HELZ: variants seen among roughly 807,000 people sequenced by gnomAD.
The protein encoded by HELZ is ATP-dependent RNA helicase with zinc finger domain.
A neutral mutation model predicts 218.2 loss-of-function variants in HELZ; 23 were observed. The observed-to-expected ratio is 0.11, with a 90% CI of 0.08 to 0.15. HELZ has a LOEUF of 0.15. Ranked by LOEUF, HELZ falls within the 10% of genes least tolerant of loss-of-function variation. The probability of loss-of-function intolerance (pLI) is 1.00; values close to 1 mark genes in which losing one functional copy is unlikely to be tolerated. For missense variants in HELZ, 1,813 were observed against 2,353.7 expected, an observed-to-expected ratio of 0.77 and a Z score of 4.75; for synonymous variants, 814 against 829.4, an observed-to-expected ratio of 0.98 and a Z score of 0.32.
intron 20 of HELZ, among the ~76,000 whole-genome samples, chr17:67,147,241 C>G (rs1449891376): frequency 1.3e-5 from 2 of 151,910 alleles, no homozygotes; most frequent in South Asian, 4.2e-4. Context: ...CCAGAATTGC[C>G]CCTGTGGTGT....
intron 20 of HELZ, 85 bp from the exon 21 acceptor site, chr17:67,145,975 C>G: frequency 8.6e-7 from 1 of 1,164,730 alleles, no homozygotes; most frequent in Non-Finnish European, 1.2e-6. Context: ...TCAGTCGATT[C>G]TAATAATATT....
rs2144284016 is a variant in HELZ, at chr17:67,188,818, C to T, written c.865-202G>A. On this transcript the variant is annotated intron_variant, in intron 11 of 32. Coordinates refer to ENST00000358691, the MANE Select transcript of HELZ (RefSeq NM_014877.4). This position sits in a 1 kb window ranked among gnomAD's most constrained non-coding sequence, Gnocchi z 4.1. ...TTATTTATGCTATATCGCTAGCCTC[C>T]CTTCTCTTCCTGTGACATGTTCATT... is the stretch of plus-strand genomic sequence containing the variant. 6.6e-6 allele frequency among the ~76,000 whole-genome samples: 1 copy of T among 152,194 alleles called. No individual in the cohort carries two copies. The highest frequency in any genetic ancestry group is 1.5e-5 in the Non-Finnish European group (1 of 67,992).
Position 67,161,001 on chromosome 17 carries a change from A to T in HELZ, c.1971T>A (p.Leu657=). The part of the protein sequence containing the change: ...KEAVLAITTP[L]AIQLPPVLII... ...TAAGCACAGGCGGCAGCTGGATTGC[A>T]AGTGGAGTGGTAATGGCCAGAACAG... The change falls in exon 16 of 33, where the codon CTT becomes CTA. Residue 657 remains leucine (L), a synonymous_variant. Coordinates refer to ENST00000358691, the MANE Select transcript of HELZ (RefSeq NM_014877.4). 6.2e-7 allele frequency: 1 copy of T among 1,613,938 alleles called. No individual in the cohort carries two copies. Among genetic ancestry groups the T allele is most frequent in the Non-Finnish European group, 8.5e-7 (1 of 1,179,872 alleles).
At chr17:67,084,585 C>A (rs899816335) in intron 32 of HELZ, among the ~76,000 whole-genome samples, 5 of 150,830 alleles carry the variant, frequency 3.3e-5, no homozygotes, top group Admixed American at 1.3e-4. Flanking sequence ...ATGACGTGAA[C>A]CCGGGAGGCG....
intron 13 of HELZ, among the ~76,000 whole-genome samples, chr17:67,175,718 G>A (rs950329951): frequency 6.6e-6 from 1 of 152,090 alleles, no homozygotes; most frequent in Non-Finnish European, 1.5e-5. Flanking sequence ...TTACCTTTAG[G>A]TGAGAGTATC....
intron 28 of HELZ, among the ~76,000 whole-genome samples, 191 bp from the exon 29 acceptor site, chr17:67,109,877 GA>G (rs201987965): frequency 2.5e-3 from 380 of 150,990 alleles, no homozygotes; most frequent in African/African-American, 8.7e-3. Context: ...AAAGATGACA[GA>G]AAAAAAACAG....
intron 23 of HELZ, among the ~76,000 whole-genome samples, chr17:67,131,918 A>G (rs933359420): frequency 2.6e-5 from 4 of 152,224 alleles, no homozygotes; most frequent in African/African-American, 9.6e-5. Flanking sequence ...TTCTGAATAC[A>G]GATAATTGAC....
chr17:67,109,738 G>T, intron 28 of HELZ, 52 bp from the exon 29 acceptor site: 1 of 1,391,840 alleles, frequency 7.2e-7, no homozygotes, highest in Non-Finnish European at 1.0e-6. Flanking sequence ...AAATTCAGTT[G>T]CTCTCCACCT....
In HELZ at chr17:67,136,954, C is replaced by T. The variant is rs573733513; in HGVS notation, c.2954-756G>A. ...AAAATGGTCAATTTTACATCATACG[C>T]ATTTTACCACCATAAAAAAATTTTT... On this transcript the variant is annotated intron_variant, in intron 22 of 32. Transcript: ENST00000358691. Among the ~76,000 whole-genome samples, 114 of 152,208 alleles carry T rather than the reference C, an allele frequency of 7.5e-4. 1 individual carries two copies. The highest frequency in any genetic ancestry group is 2.7e-3 in the African/African-American group (112 of 41,532).
intron 23 of HELZ, among the ~76,000 whole-genome samples, chr17:67,135,482 G>GA (rs2038121780): frequency 6.6e-6 from 1 of 152,190 alleles, no homozygotes. Flanking sequence ...GCTTCTCAGT[G>GA]AGGTCTGCTC....
chr17:67,094,062 A>C (rs1051244573), intron 31 of HELZ, among the ~76,000 whole-genome samples: 1 of 152,162 alleles, frequency 6.6e-6, no homozygotes, highest in Non-Finnish European at 1.5e-5. Flanking sequence ...TGGAAACAGC[A>C]TGTAGTCCCA....
chr17:67,098,112 G>A (rs2036804879), intron 31 of HELZ, among the ~76,000 whole-genome samples: 1 of 151,958 alleles, frequency 6.6e-6, no homozygotes, highest in Non-Finnish European at 1.5e-5. Flanking sequence ...TTCTTCACAA[G>A]AACATAATTT....
At chr17:67,092,727 A>C (rs2036608245) in intron 31 of HELZ, among the ~76,000 whole-genome samples, 1 of 152,210 alleles carries the variant, frequency 6.6e-6, no homozygotes, top group Non-Finnish European at 1.5e-5. Context: ...GCACTTTGGG[A>C]GGCCGAGGTG....
intron 27 of HELZ, among the ~76,000 whole-genome samples, chr17:67,116,872 TCAAA>T (rs2037443333): frequency 6.6e-6 from 1 of 152,202 alleles, no homozygotes; most frequent in Admixed American, 6.5e-5. Context: ...TTTTCTTTTT[TCAAA>T]CAGAGTTTCG....
chr17:67,145,563 T>TA (rs2038468242), intron 21 of HELZ, among the ~76,000 whole-genome samples, 180 bp downstream of exon 21: 1 of 152,266 alleles, frequency 6.6e-6, no homozygotes, highest in Middle Eastern at 3.4e-3. Flanking sequence ...TTGCTTCCCA[T>TA]AGGAGATTCA....
At chr17:67,197,942 T>C (rs1202014863) in intron 7 of HELZ, among the ~76,000 whole-genome samples, 2 of 152,090 alleles carry the variant, frequency 1.3e-5, no homozygotes, top group Non-Finnish European at 2.9e-5. Context: ...GGAGTAATTA[T>C]TCATATTATT....
chr17:67,213,205 C>G (rs2040502502), intron 5 of HELZ, among the ~76,000 whole-genome samples: 1 of 152,164 alleles, frequency 6.6e-6, no homozygotes, highest in Non-Finnish European at 1.5e-5. Context: ...GAAAAAGGAA[C>G]TATTTCTCAC....
chr17:67,079,655 C>T (rs2036126965), intron 32 of HELZ, among the ~76,000 whole-genome samples: 2 of 152,312 alleles, frequency 1.3e-5, no homozygotes, highest in African/African-American at 4.8e-5. Flanking sequence ...AGATGCTGCC[C>T]ATGTGTACTC....
At chr17:67,184,348 C>CTAA (rs1408167117) in intron 12 of HELZ, among the ~76,000 whole-genome samples, 1 of 152,142 alleles carries the variant, frequency 6.6e-6, no homozygotes, top group Admixed American at 6.5e-5. Flanking sequence ...AAATGCTAAG[C>CTAA]TAATAGCCTA....
Sources: allele counts gnomAD v4.1 joint callset (sites outside exome capture counted in the v4.1 genomes callset), GRCh38; gene constraint gnomAD v4.1.1; non-coding constraint Gnocchi (gnomAD v3.1); transcripts MANE v1.5; gene names NCBI Gene and HGNC (gene_info 2026-07-23, HGNC 2026-07-21).